The following MAP9 variants were observed in gnomAD, a reference collection of about 807,000 sequenced individuals.
MAP9 encodes the protein microtubule-associated protein 9.
MAP9 carries 80 observed loss-of-function variants against 75.2 expected under a neutral mutation model. The ratio of observed to expected loss-of-function variants is 1.06; its 90% CI spans 0.89 to 1.28. MAP9 has a LOEUF of 1.28. Ranked by LOEUF, MAP9 falls within the 50% of genes most tolerant of loss-of-function variation. The probability of loss-of-function intolerance (pLI) is 0.00; values close to 1 mark genes in which losing one functional copy is unlikely to be tolerated. For missense variants in MAP9, 753 were observed against 719.9 expected (o/e 1.05, Z -0.53); for synonymous variants, 235 against 237.3 (o/e 0.99, Z 0.09).
Position 155,353,289 on chromosome 4 carries a change from C to G in MAP9, c.1432G>C (p.Ala478Pro), listed in dbSNP as rs1477055101. 1.9e-6 allele frequency: 3 copies of G among 1,604,236 alleles called. No individual in the cohort carries two copies. The highest frequency in any genetic ancestry group is 2.7e-5 in the African/African-American group (2 of 74,258). ...EALASFEAWK[A>P]MKEKEAKKIA... Reference sequence around the variant, plus strand: ...TTCTTTGCTTCCTTTTCTTTCATAGCCTTCCAGGCCTCAAATGATGCTAAT... The same window carrying G: ...TTCTTTGCTTCCTTTTCTTTCATAGGCTTCCAGGCCTCAAATGATGCTAAT... Residue 478 changes from alanine to proline, a missense_variant, in exon 11 of 14, where the codon GCT becomes CCT. Transcript: ENST00000311277.
At chr4:155,366,252 G>C (rs77322350) in intron 5 of MAP9, among the ~76,000 whole-genome samples, 1 of 151,746 alleles carries the variant, frequency 6.6e-6, no homozygotes, top group Non-Finnish European at 1.5e-5. Context: ...CCAGCTACTC[G>C]GGAGGCTGAA....
At chr4:155,350,221 G>A in intron 13 of MAP9, 1 of 452,016 alleles carries the variant, frequency 2.2e-6, no homozygotes, top group South Asian at 1.6e-5. Context: ...CCTATACAGG[G>A]GCAATTTTTC....
intron 8 of MAP9, among the ~76,000 whole-genome samples, chr4:155,356,803 C>A (rs1474873872): frequency 1.3e-5 from 2 of 152,180 alleles, no homozygotes; most frequent in East Asian, 1.9e-4. Context: ...CACTAACTGG[C>A]CATTTACAGA....
rs1429088888 is a variant in MAP9 at position 155,346,503 on chromosome 4, T to C, written c.*1280A>G. ...CATAGAGATTTCAGAAGGAGGCAGA[T>C]TCAGTCAGACGTACTGAATCCCGTT... On this transcript the variant is annotated 3_prime_UTR_variant, in exon 14 of 14. Transcript: ENST00000311277. 6.6e-6 allele frequency: 1 copy of C among 152,130 alleles called. No individual in the cohort carries two copies. The highest frequency in any genetic ancestry group is 2.4e-5 in the African/African-American group (1 of 41,436). 9.4% of individuals were successfully genotyped at this position (152,130 alleles called of 1,614,324 possible). A position where few individuals can be genotyped will look rare whatever the true frequency, so the allele number is the denominator to read the frequency against.
intron 6 of MAP9, 87 bp from the exon 7 acceptor site, chr4:155,360,502 G>A (rs1271685685): frequency 2.3e-6 from 3 of 1,286,978 alleles, no homozygotes; most frequent in Admixed American, 2.3e-5. Flanking sequence ...TTTAAATGAG[G>A]ACTATCTATA....
chr4:155,356,475 T>C (rs1731793204), intron 8 of MAP9, among the ~76,000 whole-genome samples: 1 of 152,140 alleles, frequency 6.6e-6, no homozygotes, highest in African/African-American at 2.4e-5. Flanking sequence ...ATATTTGTAA[T>C]TAGAAACTTA....
Position 155,373,388 on chromosome 4 carries a change from G to T in MAP9, c.229C>A (p.His77Asn), listed in dbSNP as rs187054827. The T allele has an allele frequency of 4.4e-6, 7 of 1,604,998 alleles. No homozygotes were observed. In the East Asian group the frequency reaches 1.3e-4, roughly 31 times the overall value. Residue 77 changes from histidine to asparagine, a missense_variant, in exon 4 of 14, where the codon CAT becomes AAT. Coordinates refer to ENST00000311277, the MANE Select transcript of MAP9 (RefSeq NM_001039580.2). ...NSVNKKMNDF[H>N]ISDDEEKNPS... Reference sequence around the variant, plus strand: ...TTCTTTTCTTCATCATCTGATATATGAAAGTCATTCATTTTTTTATTAACT... The same window carrying T: ...TTCTTTTCTTCATCATCTGATATATTAAAGTCATTCATTTTTTTATTAACT...
rs1466229001 is a variant in MAP9 at position 155,343,736 on chromosome 4, T to G, written c.*4047A>C. 1 of 151,844 alleles carries G rather than the reference T, an allele frequency of 6.6e-6. No individual in the cohort carries two copies. Among genetic ancestry groups the G allele is most frequent in the Non-Finnish European group, 1.5e-5 (1 of 67,806 alleles). 9.4% of individuals were successfully genotyped at this position (151,844 alleles called of 1,614,324 possible). On this transcript the variant is annotated 3_prime_UTR_variant, in exon 14 of 14. Coordinates refer to ENST00000311277, the MANE Select transcript of MAP9 (RefSeq NM_001039580.2). ...CTATCAAAAAGCAGACATTAATATC[T>G]TCTTAATAATTTTTAAAACATCCTA...
chr4:155,375,709 T>C, intron 2 of MAP9, 67 bp downstream of exon 2: 4 of 1,002,586 alleles, frequency 4.0e-6, no homozygotes, highest in Non-Finnish European at 6.2e-6. Flanking sequence ...TGTTCTAGAA[T>C]CACCAATTTC....
At chr4:155,352,489 G>T in intron 13 of MAP9, 107 bp downstream of exon 13, 1 of 1,103,152 alleles carries the variant, frequency 9.1e-7, no homozygotes, top group Non-Finnish European at 1.3e-6. Context: ...GCAGATTCCA[G>T]GTAGAAATGA....
At chr4:155,361,033 G>A (rs1429329336) in intron 6 of MAP9, 1 of 152,028 alleles carries the variant, frequency 6.6e-6, no homozygotes, top group Non-Finnish European at 1.5e-5. Context: ...ATTCAGTTTT[G>A]CATTTATAGA....
rs1731167672 is a variant in MAP9, at chr4:155,343,030, T to C, written c.*4753A>G. ...TAACAATGAAATTGTAGTTACAGCATCTAAAATTATTAGAAAATTATATTA... is the reference window on the plus strand; with the variant it reads ...TAACAATGAAATTGTAGTTACAGCACCTAAAATTATTAGAAAATTATATTA... On this transcript the variant is annotated 3_prime_UTR_variant, in exon 14 of 14. Coordinates refer to ENST00000311277, the MANE Select transcript of MAP9 (RefSeq NM_001039580.2). 2.0e-5 allele frequency: 3 copies of C among 152,002 alleles called. No homozygotes were observed. The highest frequency in any genetic ancestry group is 6.6e-5 in the Admixed American group (1 of 15,256). 9.4% of individuals were successfully genotyped at this position (152,002 alleles called of 1,614,324 possible).
intron 13 of MAP9, chr4:155,349,776 A>G (rs1731433879): frequency 6.6e-6 from 1 of 152,628 alleles, no homozygotes. Context: ...AAAAGCAGTG[A>G]CCAGACTGTG....
At chr4:155,376,494 G>GT (rs1307555744) in intron 1 of MAP9, 1 of 152,298 alleles carries the variant, frequency 6.6e-6, no homozygotes, top group Non-Finnish European at 1.5e-5. Flanking sequence ...GCGGTTTCCC[G>GT]TACTCGGAGC....
At chr4:155,365,020 A>T (rs1255063844) in intron 5 of MAP9, among the ~76,000 whole-genome samples, 1 of 152,014 alleles carries the variant, frequency 6.6e-6, no homozygotes, top group Non-Finnish European at 1.5e-5. Context: ...AAAGAGCAAC[A>T]AATTGCTCCT....
At position 155,362,152 on chromosome 4, in the gene MAP9, A is replaced by C. The variant is rs557547382; in HGVS notation, c.709-11T>G. On this transcript the variant is annotated splice_polypyrimidine_tract_variant and intron_variant, in intron 5 of 13. Transcript: ENST00000311277. ...TGTTAAGCATGAATCCTGTTTTCGC[A>C]AAAAAAAATACATTTGCCACATAAG... The C allele has an allele frequency of 6.7e-5, 88 of 1,316,158 alleles. No individual in the cohort carries two copies. The highest frequency in any genetic ancestry group is 5.6e-4 in the African/African-American group (37 of 65,774). The allele number at this position is 1,316,158 out of a possible 1,614,324, so 81.5% of individuals were successfully genotyped here. A position where few individuals can be genotyped will look rare whatever the true frequency, so the allele number is the denominator to read the frequency against.
rs905360030 is a variant in MAP9 at position 155,345,976 on chromosome 4, T to C, written c.*1807A>G. 3 of 152,182 alleles carry C rather than the reference T, an allele frequency of 2.0e-5. No individual in the cohort carries two copies. Among genetic ancestry groups the C allele is most frequent in the African/African-American group, 7.2e-5 (3 of 41,458 alleles). 9.4% of individuals were successfully genotyped at this position (152,182 alleles called of 1,614,324 possible). A position where few individuals can be genotyped will look rare whatever the true frequency, so the allele number is the denominator to read the frequency against. On this transcript the variant is annotated 3_prime_UTR_variant, in exon 14 of 14. Coordinates refer to ENST00000311277, the MANE Select transcript of MAP9 (RefSeq NM_001039580.2). ...TGAGTAAGAGAGGTCCTAAATTCCA[T>C]GCTGATACTACATATTGCTGATAAT...
rs1731753311 is a variant in MAP9 at position 155,355,812 on chromosome 4, G to A, written c.1194C>T (p.His398=). The A allele has an allele frequency of 3.1e-6, 5 of 1,613,736 alleles. No individual in the cohort carries two copies. The highest frequency in any genetic ancestry group is 1.7e-5 in the Admixed American group (1 of 59,978). Residue 398 remains histidine (H), a synonymous_variant, in exon 9 of 14, where the codon CAC becomes CAT. Transcript: ENST00000311277. ...RRTPSTTTSS[H]YLGTLKVLDQ... is the part of the protein sequence containing the mutation. ...CCAAGACTTTTAAAGTCCCTAAATAGTGAGAAGAGGTAGTTGTCGATGGAG... is the reference window on the plus strand; with the variant it reads ...CCAAGACTTTTAAAGTCCCTAAATAATGAGAAGAGGTAGTTGTCGATGGAG...
intron 3 of MAP9, among the ~76,000 whole-genome samples, chr4:155,374,506 C>CA (rs1002987034): frequency 5.9e-5 from 9 of 151,778 alleles, no homozygotes; most frequent in Admixed American, 3.3e-4. Context: ...TTATCACAGC[C>CA]AAAAAAAATC....
Sources: gnomAD v4.1 joint callset for allele counts (sites outside exome capture counted in the v4.1 genomes callset) on GRCh38, gnomAD v4.1.1 for gene constraint, MANE v1.5 for transcripts, NCBI Gene and HGNC (gene_info 2026-07-23, HGNC 2026-07-21) for gene names.